The following CPSF6 variants were observed in gnomAD, a reference collection of about 807,000 sequenced individuals.
The protein encoded by CPSF6 is cleavage and polyadenylation specific factor 6.
Under a neutral mutation model 56.7 loss-of-function variants are expected in CPSF6, and 10 were observed. The ratio of observed to expected loss-of-function variants is 0.18; its 90% confidence interval spans 0.11 to 0.30. CPSF6 has a LOEUF of 0.30. Among genes scored for constraint, CPSF6 ranks in the 10% least tolerant of loss-of-function variants. The pLI is 1.00. For missense variants in CPSF6, 419 were observed against 722.9 expected (o/e 0.58, Z 4.82); for synonymous variants, 248 against 244.8 (o/e 1.01, Z -0.12).
chr12:69,244,309 C>T (rs2120426478), intron 1 of CPSF6, among the ~76,000 whole-genome samples: 1 of 152,206 alleles, frequency 6.6e-6, no homozygotes, highest in African/African-American at 2.4e-5. Context: ...GATCTTGGCT[C>T]ACCGCAACCT....
At chr12:69,265,968 G>A (rs1872961084) in intron 9 of CPSF6, among the ~76,000 whole-genome samples, 1 of 149,846 alleles carries the variant, frequency 6.7e-6, no homozygotes, top group African/African-American at 2.5e-5. Context: ...TTTTGTTATT[G>A]CCCAAGATTT....
chr12:69,258,610 C>A lies in CPSF6; in HGVS notation c.715C>A (p.Pro239Thr), dbSNP rs761369080. ...TTTAGCTGGACAGACTCCACCACGT[C>A]CACCCTTAGGTCCTCCAGGCCCACC... ...PFPAGQTPPR[P>T]PLGPPGPPGP... Residue 239 changes from proline (P) to threonine (T), a missense_variant, in exon 6 of 10, where the codon CCA (proline) becomes ACA (threonine). This residue lies in a region of CPSF6 where 211 missense variants were observed against 296.0 expected (regional missense o/e 0.71). Transcript: ENST00000435070. The surrounding 1 kb of genome is among the most constrained non-coding windows in gnomAD (Gnocchi z 4.2). 3 of 1,611,250 alleles carry A rather than the reference C, an allele frequency of 1.9e-6. No homozygotes were observed. In the African/African-American group the frequency reaches 4.0e-5, roughly 22 times the overall value.
Position 69,262,499 on chromosome 12 carries a change from G to A in CPSF6, c.1596G>A (p.Arg532=). ...RERSRERERH[R]DRDRDRDRER... The stretch of plus-strand genomic sequence containing the variant: ...GAAGCAGAGAACGAGAGAGGCACCG[G>A]GATCGTGACCGAGACCGTGACCGAG... The change falls in exon 9 of 10, where the codon CGG becomes CGA. Residue 532 remains arginine (R), a synonymous_variant. Coordinates refer to ENST00000435070, the MANE Select transcript of CPSF6 (RefSeq NM_007007.3). 2 of 1,613,938 alleles carry A rather than the reference G, an allele frequency of 1.2e-6. No individual in the cohort carries two copies. The highest frequency in any genetic ancestry group is 1.7e-6 in the Non-Finnish European group (2 of 1,179,944).
At chr12:69,249,933 T>G (rs1190864902) in intron 1 of CPSF6, among the ~76,000 whole-genome samples, 2 of 152,242 alleles carry the variant, frequency 1.3e-5, no homozygotes, top group Non-Finnish European at 2.9e-5. Context: ...AAAGCTTTAC[T>G]ATACTCTTTT....
At chr12:69,251,819 G>A (rs573899005) in intron 2 of CPSF6, among the ~76,000 whole-genome samples, 76 of 152,150 alleles carry the variant, frequency 5.0e-4, no homozygotes, top group African/African-American at 1.7e-3. Flanking sequence ...ACTTCTGTGC[G>A]TATTATATTT....
At chr12:69,269,421 G>T in intron 9 of CPSF6, 91 bp from the exon 10 acceptor site, 1 of 421,270 alleles carries the variant, frequency 2.4e-6, no homozygotes, top group South Asian at 1.7e-5. Flanking sequence ...TGAAGTAGAT[G>T]CACGACTTGT....
At chr12:69,254,550 C>T (rs2120532320) in intron 3 of CPSF6, among the ~76,000 whole-genome samples, 1 of 152,326 alleles carries the variant, frequency 6.6e-6, no homozygotes, top group East Asian at 1.9e-4. Context: ...GTTGTCTCCT[C>T]TTCCAAGCCT....
At position 69,271,321 on chromosome 12, in the gene CPSF6, A is replaced by G. The variant is rs1873231828; in HGVS notation, c.*1813A>G. 1 of 152,038 alleles carries G rather than the reference A, an allele frequency of 6.6e-6. No individual in the cohort carries two copies. Among genetic ancestry groups the G allele is most frequent in the African/African-American group, 2.4e-5 (1 of 41,394 alleles). 9.4% of individuals were successfully genotyped at this position (152,038 alleles called of 1,614,324 possible). A position where few individuals can be genotyped will look rare whatever the true frequency, so the allele number is the denominator to read the frequency against. On this transcript the variant is annotated 3_prime_UTR_variant, in exon 10 of 10. Transcript: ENST00000435070. Reference sequence around the variant, plus strand: ...TTGTGTCATTTCTTGGCTTTTTAATATTTTGACTACAATGCCCTAATGCGA... The same window carrying G: ...TTGTGTCATTTCTTGGCTTTTTAATGTTTTGACTACAATGCCCTAATGCGA...
Position 69,273,258 on chromosome 12 carries a change from T to C in CPSF6, c.*3750T>C. ...CAACACTGTTCAGATTGATTTAGGT[T>C]TGTCTTAACCAATGTTCTTTTTTTA... is the stretch of plus-strand genomic sequence containing the variant. On this transcript the variant is annotated 3_prime_UTR_variant, in exon 10 of 10. Transcript: ENST00000435070. The C allele has an allele frequency of 2.3e-6, 1 of 440,480 alleles. No homozygotes were observed. The highest frequency in any genetic ancestry group is 1.8e-5 in the South Asian group (1 of 56,788). 27.3% of individuals were successfully genotyped at this position (440,480 alleles called of 1,614,324 possible). A position where few individuals can be genotyped will look rare whatever the true frequency, so the allele number is the denominator to read the frequency against.
intron 1 of CPSF6, 185 bp from the exon 2 acceptor site, chr12:69,250,944 C>A: frequency 4.7e-6 from 1 of 211,960 alleles, no homozygotes; most frequent in Non-Finnish European, 8.1e-6. Flanking sequence ...CCACTCCCGG[C>A]AAGAAATTCA....
chr12:69,239,923 G>A (rs1181330330), intron 1 of CPSF6, among the ~76,000 whole-genome samples: 1 of 149,250 alleles, frequency 6.7e-6, no homozygotes, highest in Non-Finnish European at 1.5e-5. Context: ...CGCGGGGCCC[G>A]GAGCGCGGAC....
At chr12:69,262,636 T>A in intron 9 of CPSF6, 74 bp downstream of exon 9, 1 of 1,470,880 alleles carries the variant, frequency 6.8e-7, no homozygotes, top group Non-Finnish European at 9.1e-7. Context: ...CTACTGTTTA[T>A]ACAGTATATA....
Position 69,260,255 on chromosome 12 carries a change from A to C in CPSF6, c.1469+58A>C, listed in dbSNP as rs1030530977. 1.1e-5 allele frequency: 14 copies of C among 1,313,716 alleles called. No homozygotes were observed. The African/African-American group carries it at 2.0e-4, about 19-fold the overall frequency. 81.4% of individuals were successfully genotyped at this position (1,313,716 alleles called of 1,614,324 possible). On this transcript the variant is annotated intron_variant, in intron 8 of 9. Coordinates refer to ENST00000435070, the MANE Select transcript of CPSF6 (RefSeq NM_007007.3). ...AAACTGTTAGTTTACAAATGGAAAA[A>C]ATACTGTGAGACTTTAAAAGGAGGA...
chr12:69,250,531 A>T (rs1257685973), intron 1 of CPSF6, among the ~76,000 whole-genome samples: 1 of 142,806 alleles, frequency 7.0e-6, no homozygotes, highest in African/African-American at 2.6e-5. Flanking sequence ...AGGCAGGAGG[A>T]TTGCTTGAAC....
At chr12:69,250,083 T>G (rs1274988404) in intron 1 of CPSF6, among the ~76,000 whole-genome samples, 1 of 152,106 alleles carries the variant, frequency 6.6e-6, no homozygotes, top group African/African-American at 2.4e-5. Flanking sequence ...TTTCGTTTAT[T>G]TCTCTTTACC....
chr12:69,274,019 G>C lies in CPSF6; in HGVS notation c.*4511G>C, dbSNP rs1458132534. The C allele has an allele frequency of 2.0e-5, 3 of 150,200 alleles. No homozygotes were observed. The highest frequency in any genetic ancestry group is 4.4e-5 in the Non-Finnish European group (3 of 67,526). The allele number at this position is 150,200 out of a possible 1,614,324, so 9.3% of individuals were successfully genotyped here. ...ATTTGTTTAATATCAGAAGGCCAAA[G>C]AAAGTCTTAAAATTTTAGCTATTGA... On this transcript the variant is annotated 3_prime_UTR_variant, in exon 10 of 10. Coordinates refer to ENST00000435070, the MANE Select transcript of CPSF6 (RefSeq NM_007007.3).
intron 1 of CPSF6, among the ~76,000 whole-genome samples, chr12:69,240,558 T>TGTTA (rs1296349092): frequency 6.6e-6 from 1 of 152,130 alleles, no homozygotes; most frequent in Non-Finnish European, 1.5e-5. Flanking sequence ...AACAAAAAGA[T>TGTTA]GTTAGCTCAC....
At chr12:69,247,298 G>T (rs2120457388) in intron 1 of CPSF6, among the ~76,000 whole-genome samples, 1 of 151,940 alleles carries the variant, frequency 6.6e-6, no homozygotes, top group African/African-American at 2.4e-5. Context: ...TGTGTAAAAT[G>T]TTGAGAGAAT....
At position 69,257,748 on chromosome 12, in the gene CPSF6, A is replaced by G. The variant is rs1036791428; in HGVS notation, c.537A>G (p.Gln179=). 6.2e-7 allele frequency: 1 copy of G among 1,610,572 alleles called. No homozygotes were observed. Among genetic ancestry groups the G allele is most frequent in the Non-Finnish European group, 8.5e-7 (1 of 1,179,222 alleles). Residue 179 remains glutamine, a synonymous_variant, in exon 5 of 10, where the codon CAA becomes CAG. Coordinates refer to ENST00000435070, the MANE Select transcript of CPSF6 (RefSeq NM_007007.3). ...MQSRKTTQSG[Q]MSGEGKAGPP... is the part of the protein sequence containing the mutation. ...TATTTGCAGCTACACAATCAGGACA[A>G]ATGTCTGGGGAAGGTAAAGCTGGTC...
Sources: gnomAD v4.1 joint callset for allele counts (sites outside exome capture counted in the v4.1 genomes callset) on GRCh38, gnomAD v4.1.1 for gene constraint, gnomAD v4.1.1 regional missense constraint, Gnocchi (gnomAD v3.1) non-coding constraint, MANE v1.5 for transcripts, NCBI Gene and HGNC (gene_info 2026-07-23, HGNC 2026-07-21) for gene names.